ENTREP2: variants seen among roughly 807,000 people sequenced by gnomAD.
ENTREP2 encodes the protein endosomal transmembrane epsin interactor 2.
chr15:29,631,712 G>C, the ENTREP2 span, among the ~76,000 whole-genome samples: 1 of 152,204 alleles, frequency 6.6e-6, no homozygotes, highest in Non-Finnish European at 1.5e-5. Context: ...TCTTCCCCAT[G>C]TCTAGCTGGG....
At chr15:29,456,379 G>A in the ENTREP2 span, among the ~76,000 whole-genome samples, 2 of 152,322 alleles carry the variant, frequency 1.3e-5, no homozygotes, top group Admixed American at 1.3e-4. Context: ...GCTGGGGCAG[G>A]TGCAGGAGGA....
the ENTREP2 span, among the ~76,000 whole-genome samples, chr15:29,406,931 A>G: frequency 1.3e-5 from 2 of 152,146 alleles, no homozygotes. Flanking sequence ...GTCACCCATA[A>G]CTGAGCCACA....
At chr15:29,515,432 GCA>G in the ENTREP2 span, among the ~76,000 whole-genome samples, 1 of 152,310 alleles carries the variant, frequency 6.6e-6, no homozygotes, top group Non-Finnish European at 1.5e-5. Flanking sequence ...ATGACCACCT[GCA>G]TTGGTGAGGA....
the ENTREP2 span, among the ~76,000 whole-genome samples, chr15:29,539,748 G>A: frequency 6.6e-6 from 1 of 152,118 alleles, no homozygotes; most frequent in South Asian, 2.1e-4. Flanking sequence ...GCCCAGAATC[G>A]CTAGGAGGGC....
At chr15:29,538,338 T>G in the ENTREP2 span, among the ~76,000 whole-genome samples, 1 of 151,220 alleles carries the variant, frequency 6.6e-6, no homozygotes, top group African/African-American at 2.4e-5. Context: ...GCCAACAGAG[T>G]ATAAGGAAGG....
At chr15:29,435,673 T>C in the ENTREP2 span, among the ~76,000 whole-genome samples, 6 of 151,794 alleles carry the variant, frequency 4.0e-5, no homozygotes, top group African/African-American at 9.7e-5. Flanking sequence ...TATATACACA[T>C]ATATATACAC....
chr15:29,352,719 C>A, the ENTREP2 span, among the ~76,000 whole-genome samples: 1 of 152,186 alleles, frequency 6.6e-6, no homozygotes, highest in Non-Finnish European at 1.5e-5. Flanking sequence ...TCACTGTTTG[C>A]CAGCCAAACC....
the ENTREP2 span, among the ~76,000 whole-genome samples, chr15:29,670,615 C>A: frequency 4.6e-5 from 7 of 152,094 alleles, no homozygotes; most frequent in Non-Finnish European, 8.8e-5. Context: ...ATGTGTGGGG[C>A]CCGAGGTTTA....
At chr15:29,324,926 T>G in the ENTREP2 span, among the ~76,000 whole-genome samples, 2 of 152,152 alleles carry the variant, frequency 1.3e-5, no homozygotes, top group African/African-American at 4.8e-5. Context: ...TCACCAAGAC[T>G]GACCACATTC....
At chr15:29,387,608 G>A in the ENTREP2 span, among the ~76,000 whole-genome samples, 1 of 152,020 alleles carries the variant, frequency 6.6e-6, no homozygotes, top group South Asian at 2.1e-4. Context: ...TCACAGAATT[G>A]GAAAAAACTA....
the ENTREP2 span, among the ~76,000 whole-genome samples, chr15:29,578,154 T>TA: frequency 2.6e-5 from 4 of 151,996 alleles, no homozygotes; most frequent in East Asian, 1.9e-4. Flanking sequence ...ATGGCTATAA[T>TA]AAAAAAAATG....
chr15:29,310,080 T>A, the ENTREP2 span, among the ~76,000 whole-genome samples: 1 of 151,598 alleles, frequency 6.6e-6, no homozygotes, highest in Non-Finnish European at 1.5e-5. Flanking sequence ...CCAGCAGCAA[T>A]CAAGACAGGA....
chr15:29,560,116 G>A, the ENTREP2 span, among the ~76,000 whole-genome samples: 1 of 152,194 alleles, frequency 6.6e-6, no homozygotes, highest in African/African-American at 2.4e-5. Context: ...GGGTAAGAGA[G>A]ACACAGCAGG....
At chr15:29,615,438 G>T in the ENTREP2 span, among the ~76,000 whole-genome samples, 3 of 152,132 alleles carry the variant, frequency 2.0e-5, no homozygotes, top group African/African-American at 7.2e-5. Context: ...TTAGACGTGA[G>T]CCACAACGCC....
chr15:29,278,684 G>A, the ENTREP2 span, among the ~76,000 whole-genome samples: 1 of 152,180 alleles, frequency 6.6e-6, no homozygotes, highest in East Asian at 1.9e-4. Flanking sequence ...CAGAGGAAAG[G>A]GAGAAGCACA....
the ENTREP2 span, among the ~76,000 whole-genome samples, chr15:29,465,493 G>C: frequency 6.6e-6 from 1 of 152,112 alleles, no homozygotes; most frequent in Non-Finnish European, 1.5e-5. Context: ...ACTCTGCAGA[G>C]GATTGACTTA....
At chr15:29,397,658 A>G in the ENTREP2 span, among the ~76,000 whole-genome samples, 1 of 152,242 alleles carries the variant, frequency 6.6e-6, no homozygotes, top group Non-Finnish European at 1.5e-5. Context: ...AAATTACTAC[A>G]ATTGATTCCC....
chr15:29,452,088 C>G, the ENTREP2 span, among the ~76,000 whole-genome samples: 1 of 152,228 alleles, frequency 6.6e-6, no homozygotes, highest in Middle Eastern at 3.2e-3. Context: ...ACATTTTACA[C>G]ACTTTTCTAT....
chr15:29,422,594 C>A, the ENTREP2 span, among the ~76,000 whole-genome samples: 2 of 152,214 alleles, frequency 1.3e-5, no homozygotes, highest in African/African-American at 4.8e-5. Context: ...AACTCTGAGG[C>A]TCTGTAATGT....
Sources: gnomAD v4.1 joint callset for allele counts (sites outside exome capture counted in the v4.1 genomes callset) on GRCh38, gnomAD v4.1.1 for gene constraint, MANE v1.5 for transcripts, NCBI Gene and HGNC (gene_info 2026-07-23, HGNC 2026-07-21) for gene names.